Variants in KALRN observed in about 807,000 individuals in gnomAD.
KALRN encodes the protein kalirin.
A neutral mutation model predicts 353.7 loss-of-function variants in KALRN; 70 were observed. The observed-to-expected ratio is 0.20, with a 90% CI of 0.16 to 0.24. The LOEUF (loss-of-function observed/expected upper bound fraction) is 0.24. Among genes scored for constraint, KALRN ranks in the 10% least tolerant of loss-of-function variants. KALRN has a pLI of 1.00. For synonymous variants in KALRN, 1,391 were observed against 1,434.8 expected, an observed-to-expected ratio of 0.97 and a Z score of 0.69; for missense variants, 2,791 against 3,756.7, an observed-to-expected ratio of 0.74 and a Z score of 6.72.
At chr3:124,590,768 T>C (rs975413808) in intron 34 of KALRN, among the ~76,000 whole-genome samples, 1 of 151,966 alleles carries the variant, frequency 6.6e-6, no homozygotes, top group African/African-American at 2.4e-5. Context: ...AAGGCTGAGG[T>C]CTGAAACCTG....
At chr3:124,379,730 T>C (rs1576443824) in intron 10 of KALRN, among the ~76,000 whole-genome samples, 1 of 152,208 alleles carries the variant, frequency 6.6e-6, no homozygotes, top group East Asian at 1.9e-4. Flanking sequence ...TTCTTTCAGA[T>C]GGTTCTTTCT....
chr3:124,048,411 C>T (rs2040713553), intron 1 of KALRN, among the ~76,000 whole-genome samples: 1 of 151,956 alleles, frequency 6.6e-6, no homozygotes, highest in Non-Finnish European at 1.5e-5. Flanking sequence ...CATGTTATAC[C>T]TGTTATTCTG....
At chr3:124,134,204 T>C (rs953334418) in intron 1 of KALRN, among the ~76,000 whole-genome samples, 10 of 152,170 alleles carry the variant, frequency 6.6e-5, no homozygotes, top group African/African-American at 1.4e-4. Flanking sequence ...TGGAACAGAA[T>C]AGAGAACCCA....
intron 1 of KALRN, among the ~76,000 whole-genome samples, chr3:124,196,931 A>T (rs961753479): frequency 1.3e-5 from 2 of 152,228 alleles, no homozygotes; most frequent in Non-Finnish European, 2.9e-5. Flanking sequence ...AGATGAGGAA[A>T]TGGAGGCTTA....
At chr3:124,705,130 G>A (rs2062538128) in intron 57 of KALRN, among the ~76,000 whole-genome samples, 2 of 152,176 alleles carry the variant, frequency 1.3e-5, no homozygotes, top group Admixed American at 1.3e-4. Context: ...GAAGGCAGGG[G>A]ATTGTCACTG....
chr3:124,090,697 C>A (rs758958092), intron 1 of KALRN, among the ~76,000 whole-genome samples: 5 of 152,246 alleles, frequency 3.3e-5, no homozygotes, highest in Admixed American at 1.3e-4. Flanking sequence ...GATAGTGACA[C>A]GAAGCTGGTG....
chr3:124,555,460 A>AATAC (rs201201527), intron 33 of KALRN, among the ~76,000 whole-genome samples: 2 of 144,630 alleles, frequency 1.4e-5, no homozygotes, highest in African/African-American at 5.5e-5. Context: ...TAAATAAATA[A>AATAC]ATAAAGTTAT....
At chr3:124,555,400 C>T (rs184270448) in intron 33 of KALRN, among the ~76,000 whole-genome samples, 3 of 148,540 alleles carry the variant, frequency 2.0e-5, no homozygotes, top group African/African-American at 5.0e-5. Context: ...GGTGACAGAG[C>T]GAGACTCTGT....
Position 124,384,901 on chromosome 3 carries a change from G to A in KALRN, c.1827G>A (p.Thr609=), listed in dbSNP as rs373414085. 2.4e-5 allele frequency: 38 copies of A among 1,612,934 alleles called. No individual in the cohort carries two copies. In the African/African-American group the frequency reaches 3.1e-4, roughly 13 times the overall value. ...AAGCAGCAGAGCAGTTGGCTCAGAC[G>A]GGGGAATGTGACCCCGAGGAGATCT... ...LLEAAEQLAQ[T]GECDPEEIYK... is the part of the protein sequence containing the mutation. Residue 609 remains threonine (T), a synonymous_variant, in exon 11 of 60, where the codon ACG becomes ACA. Transcript: ENST00000682506.
At chr3:124,046,964 C>T (rs2040529858) in intron 1 of KALRN, among the ~76,000 whole-genome samples, 3 of 147,836 alleles carry the variant, frequency 2.0e-5, no homozygotes, top group African/African-American at 7.4e-5. Context: ...TAATGAAACA[C>T]TGTGCTAAGG....
At chr3:124,218,722 A>T (rs1017206234) in intron 1 of KALRN, among the ~76,000 whole-genome samples, 1 of 152,164 alleles carries the variant, frequency 6.6e-6, no homozygotes, top group African/African-American at 2.4e-5. Flanking sequence ...GGAGGGCGGG[A>T]GGAAGAGTGA....
chr3:124,211,200 C>A (rs1469125798), intron 1 of KALRN, among the ~76,000 whole-genome samples: 1 of 152,198 alleles, frequency 6.6e-6, no homozygotes, highest in Non-Finnish European at 1.5e-5. Context: ...TCACAAGGCA[C>A]ACACATAGTC....
chr3:124,679,396 A>G, intron 50 of KALRN, 62 bp from the exon 51 acceptor site: 1 of 1,446,638 alleles, frequency 6.9e-7, no homozygotes, highest in Non-Finnish European at 9.6e-7. Flanking sequence ...TCTCTCTAGC[A>G]AAAGCTACTT....
At chr3:124,163,142 A>G (rs1323354473) in intron 1 of KALRN, 1 of 152,252 alleles carries the variant, frequency 6.6e-6, no homozygotes, top group African/African-American at 2.4e-5. Context: ...GTATCCTAGT[A>G]TGAGTGCCTG....
At chr3:124,292,955 A>T (rs2076546974) in intron 5 of KALRN, among the ~76,000 whole-genome samples, 2 of 152,250 alleles carry the variant, frequency 1.3e-5, no homozygotes, top group African/African-American at 4.8e-5. Flanking sequence ...CAGACCAATG[A>T]TAAAACTTGT....
chr3:124,652,483 T>G (rs1235955045), intron 38 of KALRN, among the ~76,000 whole-genome samples: 1 of 152,212 alleles, frequency 6.6e-6, no homozygotes, highest in Non-Finnish European at 1.5e-5. Flanking sequence ...TGAGGCCAAG[T>G]TGGAGCTGAT....
chr3:124,326,722 G>A (rs2079951638), intron 7 of KALRN, among the ~76,000 whole-genome samples: 1 of 152,316 alleles, frequency 6.6e-6, no homozygotes, highest in African/African-American at 2.4e-5. Flanking sequence ...TAAGTGATTG[G>A]CCTGCCTAAG....
At chr3:124,085,970 A>T (rs1210230919) in intron 1 of KALRN, among the ~76,000 whole-genome samples, 3 of 152,344 alleles carry the variant, frequency 2.0e-5, no homozygotes, top group African/African-American at 7.2e-5. Flanking sequence ...TTATTTCGCA[A>T]ATCATATCCT....
intron 3 of KALRN, among the ~76,000 whole-genome samples, chr3:124,237,710 C>A (rs541660430): frequency 6.6e-6 from 1 of 152,232 alleles, no homozygotes; most frequent in East Asian, 1.9e-4. Flanking sequence ...ATGTAGTCAA[C>A]AAGTATTTAG....
Sources: gnomAD v4.1 joint callset for allele counts (sites outside exome capture counted in the v4.1 genomes callset) on GRCh38, gnomAD v4.1.1 for gene constraint, MANE v1.5 for transcripts, NCBI Gene and HGNC (gene_info 2026-07-23, HGNC 2026-07-21) for gene names.